NCOA7: variants seen among roughly 807,000 people sequenced by gnomAD.
NCOA7 encodes nuclear receptor coactivator 7.
NCOA7 carries 45 observed loss-of-function variants against 104.3 expected under a neutral mutation model. The ratio of observed to expected loss-of-function variants is 0.43; its 90% confidence interval spans 0.34 to 0.55. NCOA7 has a LOEUF of 0.55. Among genes scored for constraint, NCOA7 ranks in the 20% least tolerant of loss-of-function variants. The probability of loss-of-function intolerance (pLI) is 0.02; values close to 1 mark genes in which losing one functional copy is unlikely to be tolerated. For missense variants in NCOA7, 1,041 were observed against 1,119.7 expected (o/e 0.93, Z 1.00); for synonymous variants, 398 against 402.3 (o/e 0.99, Z 0.13).
At chr6:125,874,742 G>A (rs1308502343) in intron 3 of NCOA7, 147 bp from the exon 4 acceptor site, 1 of 592,012 alleles carries the variant, frequency 1.7e-6, no homozygotes, top group East Asian at 2.8e-5. Flanking sequence ...GCTTTTATGA[G>A]TATGATCTAT....
chr6:125,814,419 G>A (rs931374090), intron 1 of NCOA7, among the ~76,000 whole-genome samples: 2 of 152,192 alleles, frequency 1.3e-5, no homozygotes, highest in South Asian at 2.1e-4. Flanking sequence ...GCCTCCCAAA[G>A]TGCTGGGATT....
chr6:125,892,759 T>A (rs1431512294), intron 10 of NCOA7, among the ~76,000 whole-genome samples: 1 of 152,262 alleles, frequency 6.6e-6, no homozygotes, highest in Non-Finnish European at 1.5e-5. Flanking sequence ...ATTACTTGTT[T>A]ACCTTCGGGT....
chr6:125,898,771 T>C (rs983062964), intron 10 of NCOA7, among the ~76,000 whole-genome samples: 3 of 152,206 alleles, frequency 2.0e-5, no homozygotes, highest in East Asian at 1.9e-4. Flanking sequence ...ATAATACATA[T>C]TCCTAAACAT....
chr6:125,900,231 C>T (rs968355496), intron 10 of NCOA7, among the ~76,000 whole-genome samples: 2 of 152,116 alleles, frequency 1.3e-5, no homozygotes, highest in South Asian at 2.1e-4. Flanking sequence ...GCCGAAATAT[C>T]GATTAAATAT....
intron 10 of NCOA7, chr6:125,913,537 G>A (rs746262914): frequency 1.4e-4 from 83 of 575,298 alleles, no homozygotes; most frequent in Non-Finnish European, 1.7e-4. Context: ...TCATACCCAT[G>A]TACAATCATA....
chr6:125,795,779 A>G (rs1775262126), intron 1 of NCOA7, among the ~76,000 whole-genome samples: 1 of 152,256 alleles, frequency 6.6e-6, no homozygotes, highest in Middle Eastern at 3.4e-3. Context: ...TCCTGTCTGT[A>G]TCCCTCCTTG....
intron 7 of NCOA7, among the ~76,000 whole-genome samples, chr6:125,883,367 G>A (rs1013886603): frequency 6.6e-6 from 1 of 152,160 alleles, no homozygotes; most frequent in Admixed American, 6.5e-5. Context: ...TTATTGAGAT[G>A]TGATTCACAT....
intron 2 of NCOA7, among the ~76,000 whole-genome samples, chr6:125,836,738 C>T (rs1779636730): frequency 6.6e-6 from 1 of 152,014 alleles, no homozygotes; most frequent in African/African-American, 2.4e-5. Flanking sequence ...CATTTAAAAC[C>T]ACATAAACAA....
At chr6:125,861,721 G>A (rs931837660) in intron 3 of NCOA7, among the ~76,000 whole-genome samples, 3 of 152,106 alleles carry the variant, frequency 2.0e-5, no homozygotes, top group Non-Finnish European at 2.9e-5. Flanking sequence ...CAGAAAGCAT[G>A]CAGTGTGGCT....
chr6:125,860,900 T>G (rs917558172), intron 3 of NCOA7, among the ~76,000 whole-genome samples: 5 of 152,188 alleles, frequency 3.3e-5, no homozygotes, highest in Admixed American at 6.5e-5. Flanking sequence ...TGTTTTAATA[T>G]AAAATGTGAA....
intron 3 of NCOA7, among the ~76,000 whole-genome samples, chr6:125,867,077 A>G (rs1398095638): frequency 6.6e-6 from 1 of 152,186 alleles, no homozygotes; most frequent in Non-Finnish European, 1.5e-5. Flanking sequence ...TTATTTATGT[A>G]TATCTTGTCA....
intron 1 of NCOA7, among the ~76,000 whole-genome samples, chr6:125,806,427 A>G (rs946709673): frequency 2.6e-5 from 4 of 152,210 alleles, no homozygotes; most frequent in Non-Finnish European, 5.9e-5. Context: ...CATATGGAAA[A>G]CAGAACTTCT....
chr6:125,907,773 A>G (rs1786155115), intron 10 of NCOA7, among the ~76,000 whole-genome samples: 1 of 152,106 alleles, frequency 6.6e-6, no homozygotes, highest in Non-Finnish European at 1.5e-5. Flanking sequence ...TTAACTTTAA[A>G]TTTGGCACAG....
At chr6:125,791,169 C>A (rs1472079880) in intron 1 of NCOA7, 102 bp downstream of exon 1, 1 of 152,370 alleles carries the variant, frequency 6.6e-6, no homozygotes, top group Non-Finnish European at 1.5e-5. Flanking sequence ...TTGCCTCCCG[C>A]CGGGGGCTCG....
intron 6 of NCOA7, among the ~76,000 whole-genome samples, chr6:125,881,940 G>A (rs933649758): frequency 3.9e-5 from 6 of 152,106 alleles, no homozygotes; most frequent in South Asian, 2.1e-4. Context: ...TGCAACCTCC[G>A]CCTCCTAGTT....
At chr6:125,917,402 C>A (rs1787179932) in intron 11 of NCOA7, among the ~76,000 whole-genome samples, 1 of 152,144 alleles carries the variant, frequency 6.6e-6, no homozygotes, top group Non-Finnish European at 1.5e-5. Context: ...CAGAATCCAT[C>A]TCTGCATTCC....
At chr6:125,831,282 AG>A (rs2128592119) in intron 2 of NCOA7, among the ~76,000 whole-genome samples, 1 of 152,308 alleles carries the variant, frequency 6.6e-6, no homozygotes, top group South Asian at 2.1e-4. Context: ...TGCCAAATCT[AG>A]CCCAACCAAA....
At chr6:125,927,849 T>C in intron 14 of NCOA7, 91 bp downstream of exon 14, 2 of 1,063,194 alleles carry the variant, frequency 1.9e-6, no homozygotes, top group Non-Finnish European at 2.9e-6. Context: ...AGCTGTCCTG[T>C]AACTTCTCCT....
intron 8 of NCOA7, among the ~76,000 whole-genome samples, chr6:125,887,492 T>C (rs551188904): frequency 2.4e-4 from 36 of 152,370 alleles, no homozygotes; most frequent in Non-Finnish European, 4.4e-4. Context: ...GCTCAATGAA[T>C]GCTTATTAAA....
Sources: allele counts gnomAD v4.1 joint callset (sites outside exome capture counted in the v4.1 genomes callset), GRCh38; gene constraint gnomAD v4.1.1; transcripts MANE v1.5; gene names NCBI Gene and HGNC (gene_info 2026-07-23, HGNC 2026-07-21).